RIMS2: variants seen among roughly 807,000 people sequenced by gnomAD.
The protein encoded by RIMS2 is regulating synaptic membrane exocytosis protein 2.
Under a neutral mutation model 174.4 loss-of-function variants are expected in RIMS2, and 59 were observed. That is an observed-to-expected ratio of 0.34 (90% CI 0.27 to 0.42). The LOEUF (loss-of-function observed/expected upper bound fraction) is 0.42. RIMS2 is among the 10% of genes least tolerant of loss of function. RIMS2 has a pLI of 1.00. For missense variants in RIMS2, 1,620 were observed against 1,666.3 expected (o/e 0.97, Z 0.48); for synonymous variants, 606 against 572.5 (o/e 1.06, Z -0.84).
intron 19 of RIMS2, among the ~76,000 whole-genome samples, chr8:104,187,807 C>T (rs559125035): frequency 6.6e-6 from 1 of 151,812 alleles, no homozygotes; most frequent in African/African-American, 2.4e-5. Flanking sequence ...AAGACTTCAG[C>T]TTGATAAAAT....
At chr8:103,508,787 C>T (rs10106319) in intron 1 of RIMS2, among the ~76,000 whole-genome samples, 10,012 of 152,062 alleles carry the variant, frequency 0.066, 1,092 homozygotes, top group African/African-American at 0.23. Flanking sequence ...ATGATGAAGA[C>T]ATGAAATAAG....
intron 3 of RIMS2, among the ~76,000 whole-genome samples, chr8:103,847,616 T>A (rs1428152894): frequency 6.6e-6 from 1 of 152,034 alleles, no homozygotes; most frequent in Non-Finnish European, 1.5e-5. Context: ...AAAGGCAAAC[T>A]CATACTTGGA....
chr8:103,831,653 T>G (rs1188379126), intron 3 of RIMS2, among the ~76,000 whole-genome samples: 1 of 152,214 alleles, frequency 6.6e-6, no homozygotes, highest in African/African-American at 2.4e-5. Flanking sequence ...AACTACCATT[T>G]TGGGGGCATC....
intron 11 of RIMS2, among the ~76,000 whole-genome samples, chr8:103,928,416 A>G (rs1237311343): frequency 6.6e-6 from 1 of 151,556 alleles, no homozygotes; most frequent in Non-Finnish European, 1.5e-5. Context: ...CTTTGAAAGA[A>G]CAAAATTATA....
At chr8:103,604,209 C>G (rs1386118000) in intron 1 of RIMS2, among the ~76,000 whole-genome samples, 8 of 151,078 alleles carry the variant, frequency 5.3e-5, no homozygotes, top group African/African-American at 1.9e-4. Context: ...TTTCAGCTTT[C>G]TACATATGGC....
chr8:104,074,463 C>A (rs575140135), intron 19 of RIMS2, among the ~76,000 whole-genome samples: 1 of 152,022 alleles, frequency 6.6e-6, no homozygotes, highest in Admixed American at 6.6e-5. Context: ...TTTATAGTAA[C>A]AACAGCAAAT....
chr8:103,640,833 G>T (rs1382929055), intron 1 of RIMS2, among the ~76,000 whole-genome samples: 1 of 151,988 alleles, frequency 6.6e-6, no homozygotes, highest in Non-Finnish European at 1.5e-5. Context: ...TTATGCTGTT[G>T]TTGGATGAAG....
chr8:104,207,291 T>C (rs2099084822), intron 19 of RIMS2, among the ~76,000 whole-genome samples: 1 of 152,130 alleles, frequency 6.6e-6, no homozygotes. Flanking sequence ...GACTGGAAGA[T>C]TTTATTAGAG....
At chr8:104,020,537 G>A (rs4618663) in intron 19 of RIMS2, among the ~76,000 whole-genome samples, 99,863 of 151,722 alleles carry the variant, frequency 0.66, 33,547 homozygotes, top group Non-Finnish European at 0.71. Context: ...TGATTCTGAT[G>A]CAATTCTATT....
intron 1 of RIMS2, among the ~76,000 whole-genome samples, chr8:103,683,617 C>G (rs951487186): frequency 2.6e-5 from 4 of 152,170 alleles, no homozygotes; most frequent in Admixed American, 6.5e-5. Context: ...CTGTCTTGTT[C>G]TTTCTCCCAA....
At chr8:103,762,955 T>C (rs1348948900) in intron 2 of RIMS2, among the ~76,000 whole-genome samples, 1 of 152,182 alleles carries the variant, frequency 6.6e-6, no homozygotes, top group Non-Finnish European at 1.5e-5. Flanking sequence ...TACGGTATTA[T>C]AATATTAGGG....
intron 3 of RIMS2, among the ~76,000 whole-genome samples, chr8:103,869,865 T>A (rs934842763): frequency 6.6e-6 from 1 of 152,160 alleles, no homozygotes; most frequent in Non-Finnish European, 1.5e-5. Context: ...AGAACAGTGG[T>A]AGAGTTGTTA....
chr8:103,529,114 G>A (rs1397561949), intron 1 of RIMS2, among the ~76,000 whole-genome samples: 1 of 152,194 alleles, frequency 6.6e-6, no homozygotes, highest in Admixed American at 6.5e-5. Context: ...TCACGTCCCT[G>A]TAAGTTGGAT....
intron 1 of RIMS2, among the ~76,000 whole-genome samples, chr8:103,533,110 A>G (rs1422737055): frequency 6.6e-6 from 1 of 152,254 alleles, no homozygotes; most frequent in East Asian, 1.9e-4. Context: ...ATAAATGAAA[A>G]TAAGGCTGTG....
At chr8:103,937,479 T>TA (rs2081533002) in intron 13 of RIMS2, among the ~76,000 whole-genome samples, 1 of 152,172 alleles carries the variant, frequency 6.6e-6, no homozygotes, top group Non-Finnish European at 1.5e-5. Context: ...CGTTCAAAGG[T>TA]AAATAAGGAG....
intron 3 of RIMS2, among the ~76,000 whole-genome samples, chr8:103,807,087 A>C (rs909423709): frequency 2.0e-5 from 3 of 152,084 alleles, no homozygotes; most frequent in African/African-American, 7.2e-5. Flanking sequence ...ATGGGACCTA[A>C]GTCACCGGGA....
At chr8:103,763,503 G>A (rs1533734) in intron 2 of RIMS2, among the ~76,000 whole-genome samples, 23,616 of 151,150 alleles carry the variant, frequency 0.16, 1,969 homozygotes, top group Middle Eastern at 0.24. Context: ...GGGAGAAAGC[G>A]AGGAATATAG....
At chr8:103,512,923 C>A (rs1184641759) in intron 1 of RIMS2, among the ~76,000 whole-genome samples, 1 of 152,258 alleles carries the variant, frequency 6.6e-6, no homozygotes, top group East Asian at 1.9e-4. Context: ...CATAGTGAAG[C>A]TGATAAACTA....
intron 3 of RIMS2, among the ~76,000 whole-genome samples, chr8:103,872,430 G>A (rs1594272577): frequency 6.6e-6 from 1 of 152,122 alleles, no homozygotes; most frequent in Non-Finnish European, 1.5e-5. Context: ...AGACAAGTCG[G>A]CTTTAGTTGA....
Sources: allele counts gnomAD v4.1 joint callset (sites outside exome capture counted in the v4.1 genomes callset), GRCh38; gene constraint gnomAD v4.1.1; transcripts MANE v1.5; gene names NCBI Gene and HGNC (gene_info 2026-07-23, HGNC 2026-07-21).